The following SPATA2 variants were observed in gnomAD, a reference collection of about 807,000 sequenced individuals.
SPATA2 encodes the protein spermatogenesis associated 2.
A neutral mutation model predicts 35.4 loss-of-function variants in SPATA2; 8 were observed. That is an observed-to-expected ratio of 0.23 (90% CI 0.13 to 0.41). The LOEUF (loss-of-function observed/expected upper bound fraction) is 0.41, where lower values mean the gene tolerates loss of function less well. Among genes scored for constraint, SPATA2 ranks in the 10% least tolerant of loss-of-function variants. The pLI is 1.00. For missense variants in SPATA2, 650 were observed against 698.7 expected (o/e 0.93, Z 0.79); for synonymous variants, 293 against 300.9 (o/e 0.97, Z 0.27).
intron 1 of SPATA2, among the ~76,000 whole-genome samples, chr20:49,914,374 C>T (rs2090197668): frequency 6.6e-6 from 1 of 152,100 alleles, no homozygotes; most frequent in Non-Finnish European, 1.5e-5. Context: ...TTGAAGGCGC[C>T]CCCTCTCTGC....
intron 1 of SPATA2, among the ~76,000 whole-genome samples, chr20:49,914,840 C>A (rs73613340): frequency 3.3e-5 from 5 of 152,320 alleles, no homozygotes; most frequent in Admixed American, 6.5e-5. Flanking sequence ...TCTGGCCCCC[C>A]CTACGGCTTC....
chr20:49,906,265 T>TG lies in SPATA2; in HGVS notation c.916dup (p.His306ProfsTer29). The TG allele has an allele frequency of 6.4e-7, 1 of 1,570,392 alleles. No individual in the cohort carries two copies. The highest frequency in any genetic ancestry group is 8.6e-7 in the Non-Finnish European group (1 of 1,156,558). On this transcript the variant is annotated frameshift_variant, in exon 3 of 3. Coordinates refer to ENST00000289431, the MANE Select transcript of SPATA2 (RefSeq NM_006038.4). LOFTEE classifies it high-confidence loss of function. This position sits in a 1 kb window ranked among gnomAD's most constrained non-coding sequence, Gnocchi z 8.2. ...GGGTGGAAGCACATCCGGGCTGCCGTGGGGGGAGCTGGCCATGGTCAGCAG... is the reference window on the plus strand; with the variant it reads ...GGGTGGAAGCACATCCGGGCTGCCGTGGGGGGGAGCTGGCCATGGTCAGCAG...
At position 49,906,680 on chromosome 20, in the gene SPATA2, G is replaced by A; in HGVS notation, c.502C>T (p.Leu168=). The A allele has an allele frequency of 1.9e-6, 3 of 1,614,246 alleles. No individual in the cohort carries two copies. The highest frequency in any genetic ancestry group is 1.1e-5 in the South Asian group (1 of 91,088). Residue 168 remains leucine, a synonymous_variant, in exon 3 of 3, where the codon CTG becomes TTG. Coordinates refer to ENST00000289431, the MANE Select transcript of SPATA2 (RefSeq NM_006038.4). The surrounding 1 kb of genome is among the most constrained non-coding windows in gnomAD (Gnocchi z 8.2). ...QVKMVSFELF[L]AKVECEQMLE... is the part of the protein sequence containing the mutation. Reference sequence around the variant, plus strand: ...ATCTGCTCACACTCGACTTTGGCCAGAAAGAGCTCAAAGGAGACCATCTTC... The same window carrying A: ...ATCTGCTCACACTCGACTTTGGCCAAAAAGAGCTCAAAGGAGACCATCTTC...
chr20:49,909,956 C>A (rs6020126), intron 1 of SPATA2, among the ~76,000 whole-genome samples: 5 of 152,228 alleles, frequency 3.3e-5, no homozygotes, highest in African/African-American at 1.2e-4. Flanking sequence ...TGACAGCCTG[C>A]GGCCCCTTTA....
chr20:49,905,595 G>A lies in SPATA2; in HGVS notation c.*24C>T. On this transcript the variant is annotated 3_prime_UTR_variant, in exon 3 of 3. Transcript: ENST00000289431. ...CGAAAGGTCGGTTGATGTAGCCCTT[G>A]GAGCTGGAAGGGGCGAGGCCGGTCT... 1 of 1,610,036 alleles carries A rather than the reference G, an allele frequency of 6.2e-7. No homozygotes were observed.
rs2090163679 is a variant in SPATA2 at position 49,908,587 on chromosome 20, A to C, written c.-97T>G. ...GACATGTTGCCGCCTGGACCAGCGGAGTGCTCTGGAAGGAGGGGAACAAGA... is the reference window on the plus strand; with the variant it reads ...GACATGTTGCCGCCTGGACCAGCGGCGTGCTCTGGAAGGAGGGGAACAAGA... On this transcript the variant is annotated 5_prime_UTR_variant, in exon 2 of 3. Transcript: ENST00000289431. 9.8e-7 allele frequency: 1 copy of C among 1,017,364 alleles called. No individual in the cohort carries two copies. The highest frequency in any genetic ancestry group is 1.4e-6 in the Non-Finnish European group (1 of 695,836). The allele number at this position is 1,017,364 out of a possible 1,614,324, so 63.0% of individuals were successfully genotyped here.
Position 49,905,631 on chromosome 20 carries a change from G to A in SPATA2, c.1551C>T (p.Leu517=), listed in dbSNP as rs751218706. ...GGGCGAGGCCGGTCTATCTGTACAC[G>A]AGATGGGAGAGCTGGGTGGACTTGT... The part of the protein sequence containing the change: ...LNYKSTQLSH[L]VYR The change falls in exon 3 of 3, where the codon CTC becomes CTT. Residue 517 remains leucine (L), a synonymous_variant. Coordinates refer to ENST00000289431, the MANE Select transcript of SPATA2 (RefSeq NM_006038.4). 28 of 1,614,100 alleles carry A rather than the reference G, an allele frequency of 1.7e-5. No homozygotes were observed. In the South Asian group the frequency reaches 2.2e-4, roughly 13 times the overall value.
chr20:49,913,750 G>C (rs187525971), intron 1 of SPATA2: 5 of 152,208 alleles, frequency 3.3e-5, no homozygotes, highest in African/African-American at 1.2e-4. Context: ...AAGGGCCAAG[G>C]AAAGAGGCTG....
In SPATA2 at chr20:49,905,615, C is replaced by A. The variant is rs761824285; in HGVS notation, c.*4G>T. The A allele has an allele frequency of 6.2e-7, 1 of 1,613,346 alleles. No individual in the cohort carries two copies. Among genetic ancestry groups the A allele is most frequent in the South Asian group, 1.1e-5 (1 of 91,072 alleles). On this transcript the variant is annotated 3_prime_UTR_variant, in exon 3 of 3. Transcript: ENST00000289431. ...CCCTTGGAGCTGGAAGGGGCGAGGC[C>A]GGTCTATCTGTACACGAGATGGGAG...
At chr20:49,908,874 G>A (rs2090165680) in intron 1 of SPATA2, among the ~76,000 whole-genome samples, 1 of 152,198 alleles carries the variant, frequency 6.6e-6, no homozygotes, top group South Asian at 2.1e-4. Flanking sequence ...GGAAGGGCGA[G>A]TTTAGGAAAG....
In SPATA2 at chr20:49,915,432, G is replaced by A. The variant is rs2090204563; in HGVS notation, c.-155C>T. The A allele has an allele frequency of 6.6e-6, 1 of 152,236 alleles. No homozygotes were observed. The highest frequency in any genetic ancestry group is 1.5e-5 in the Non-Finnish European group (1 of 68,062). 9.4% of individuals were successfully genotyped at this position (152,236 alleles called of 1,614,324 possible). ...GCCGAGGGAAGCAAGCGAGAGGCGC[G>A]GCTGCCGCCGGAGCCGGGCCCCGTC... On this transcript the variant is annotated 5_prime_UTR_variant, in exon 1 of 3. Coordinates refer to ENST00000289431, the MANE Select transcript of SPATA2 (RefSeq NM_006038.4).
chr20:49,908,018 A>G, intron 2 of SPATA2, 137 bp downstream of exon 2: 1 of 854,142 alleles, frequency 1.2e-6, no homozygotes, highest in Non-Finnish European at 1.8e-6. Flanking sequence ...TGCTGGAGAG[A>G]CGGGGAAGGT....
chr20:49,909,534 C>T (rs922888295), intron 1 of SPATA2, among the ~76,000 whole-genome samples: 1 of 150,470 alleles, frequency 6.6e-6, no homozygotes, highest in Non-Finnish European at 1.5e-5. Flanking sequence ...GGTGAAACCA[C>T]GTCTCTACAA....
At chr20:49,908,112 A>G in intron 2 of SPATA2, 43 bp downstream of exon 2, 1 of 1,539,256 alleles carries the variant, frequency 6.5e-7, no homozygotes, top group Non-Finnish European at 8.8e-7. Flanking sequence ...AGGGGCAGGA[A>G]GAGAGAAGGA....
chr20:49,907,458 G>A (rs1007677500), intron 2 of SPATA2, among the ~76,000 whole-genome samples: 1 of 152,186 alleles, frequency 6.6e-6, no homozygotes, highest in African/African-American at 2.4e-5. Context: ...AAACATGGCT[G>A]AATAAAGGGG....
rs1233852274 is a variant in SPATA2 at position 49,906,502 on chromosome 20, C to T, written c.680G>A (p.Arg227Gln). ...GCTGGCCGACTTCTGGAGTGCCACT[C>T]GTGACATGGAGGCCGTCAGGTGCTC... ...GREHLTASMS[R>Q]VALQKSASER... Residue 227 changes from arginine to glutamine, a missense_variant, in exon 3 of 3, where the codon CGA (arginine) becomes CAA (glutamine). Arg to Gln is a conservative substitution (Grantham distance 43). Coordinates refer to ENST00000289431, the MANE Select transcript of SPATA2 (RefSeq NM_006038.4). This position sits in a 1 kb window ranked among gnomAD's most constrained non-coding sequence, Gnocchi z 8.2. 1.1e-5 allele frequency: 18 copies of T among 1,611,718 alleles called. No individual in the cohort carries two copies. The highest frequency in any genetic ancestry group is 2.2e-5 in the East Asian group (1 of 44,892).
chr20:49,903,902 G>GATATAGAT lies in SPATA2; in HGVS notation c.*1716_*1717insATCTATAT. The GATATAGAT allele has an allele frequency of 1.0e-5, 1 of 96,936 alleles. No individual in the cohort carries two copies. The highest frequency in any genetic ancestry group is 3.0e-4 in the South Asian group (1 of 3,374). The allele number at this position is 96,936 out of a possible 1,614,324, so 6.0% of individuals were successfully genotyped here. ...ACATCTACATGTGATCTACCAGATA[G>GATATAGAT]ATATATATATATATATATATATATA... is the stretch of plus-strand genomic sequence containing the variant. On this transcript the variant is annotated 3_prime_UTR_variant, in exon 3 of 3. Coordinates refer to ENST00000289431, the MANE Select transcript of SPATA2 (RefSeq NM_006038.4).
rs1353296437 is a variant in SPATA2, at chr20:49,904,976, C to A, written c.*643G>T. 6.5e-6 allele frequency: 1 copy of A among 153,232 alleles called. No homozygotes were observed. The highest frequency in any genetic ancestry group is 1.5e-5 in the Non-Finnish European group (1 of 68,538). 9.5% of individuals were successfully genotyped at this position (153,232 alleles called of 1,614,324 possible). A position where few individuals can be genotyped will look rare whatever the true frequency, so the allele number is the denominator to read the frequency against. Reference sequence around the variant, plus strand: ...TGTGTTGGAGCAAAGTTCACGAAGGCCATGGGCTGACTGAGCTGTGGTGTA... The same window carrying A: ...TGTGTTGGAGCAAAGTTCACGAAGGACATGGGCTGACTGAGCTGTGGTGTA... On this transcript the variant is annotated 3_prime_UTR_variant, in exon 3 of 3. Coordinates refer to ENST00000289431, the MANE Select transcript of SPATA2 (RefSeq NM_006038.4).
At chr20:49,910,070 G>C (rs536109267) in intron 1 of SPATA2, among the ~76,000 whole-genome samples, 1 of 152,288 alleles carries the variant, frequency 6.6e-6, no homozygotes, top group South Asian at 2.1e-4. Flanking sequence ...CTTGTTAGTA[G>C]AACAGGCACA....
Sources: allele counts gnomAD v4.1 joint callset (sites outside exome capture counted in the v4.1 genomes callset), GRCh38; gene constraint gnomAD v4.1.1; non-coding constraint Gnocchi (gnomAD v3.1); transcripts MANE v1.5; gene names NCBI Gene and HGNC (gene_info 2026-07-23, HGNC 2026-07-21).